Variants in SRGAP1 observed in about 807,000 individuals in gnomAD.
The protein encoded by SRGAP1 is SLIT-ROBO Rho GTPase activating protein 1.
SRGAP1 carries 43 observed loss-of-function variants against 121.9 expected under a neutral mutation model. The ratio of observed to expected loss-of-function variants is 0.35; its 90% confidence interval spans 0.28 to 0.46. The LOEUF (loss-of-function observed/expected upper bound fraction) is 0.46, where lower values mean the gene tolerates loss of function less well. Ranked by LOEUF, SRGAP1 falls within the 20% of genes least tolerant of loss-of-function variation. The pLI is 1.00. For missense variants in SRGAP1, 1,102 were observed against 1,350.9 expected, an observed-to-expected ratio of 0.82 and a Z score of 2.89; for synonymous variants, 447 against 485.4, an observed-to-expected ratio of 0.92 and a Z score of 1.04.
intron 1 of SRGAP1, among the ~76,000 whole-genome samples, chr12:63,893,912 C>T (rs1900666207): frequency 6.6e-6 from 1 of 152,232 alleles, no homozygotes; most frequent in Non-Finnish European, 1.5e-5. Context: ...AATCTTGGCT[C>T]ACTGCAACCT....
At chr12:63,992,615 T>C (rs1354378989) in intron 3 of SRGAP1, among the ~76,000 whole-genome samples, 1 of 150,312 alleles carries the variant, frequency 6.7e-6, no homozygotes, top group African/African-American at 2.5e-5. Context: ...GTTGGAGGAA[T>C]GAGTTGCTGG....
Position 63,977,465 on chromosome 12 carries a change from A to G in SRGAP1, c.68-6482A>G, listed in dbSNP as rs572009889. The stretch of plus-strand genomic sequence containing the variant: ...TTTTATGTCCTGGTCGTAGTCATTC[A>G]GTAATATATTAGAGAAACAGCCCAG... On this transcript the variant is annotated intron_variant, in intron 1 of 21. Coordinates refer to ENST00000355086, the MANE Select transcript of SRGAP1 (RefSeq NM_020762.4). 3.9e-5 allele frequency among the ~76,000 whole-genome samples: 6 copies of G among 152,332 alleles called. No homozygotes were observed. In the East Asian group the frequency reaches 7.7e-4, roughly 20 times the overall value.
At chr12:63,921,721 A>C (rs1481030002) in intron 1 of SRGAP1, among the ~76,000 whole-genome samples, 2 of 152,248 alleles carry the variant, frequency 1.3e-5, no homozygotes, top group Non-Finnish European at 2.9e-5. Context: ...CTGAGGCTGC[A>C]GTGATCTGTG....
chr12:63,996,567 A>G (rs148675658), intron 3 of SRGAP1, among the ~76,000 whole-genome samples: 1 of 152,244 alleles, frequency 6.6e-6, no homozygotes, highest in African/African-American at 2.4e-5. Flanking sequence ...CATGGTTGTC[A>G]TGTACAAACA....
chr12:63,855,489 T>G (rs1019636185), intron 1 of SRGAP1, among the ~76,000 whole-genome samples: 8 of 131,368 alleles, frequency 6.1e-5, no homozygotes, highest in Non-Finnish European at 1.1e-4. Context: ...TTTTTTTTTT[T>G]TTTTTTTTTT....
intron 10 of SRGAP1, chr12:64,082,001 C>CTTTTTTTTTTTTTTTTTTTTTTTTT: frequency 4.2e-4 from 28 of 66,126 alleles, no homozygotes; most frequent in African/African-American, 4.5e-4. Context: ...CATGTAAGGT[C>CTTTTTTTTTTTTTTTTTTTTTTTTT]TTTTTTTTTT....
intron 17 of SRGAP1, among the ~76,000 whole-genome samples, chr12:64,112,510 G>T (rs1401101167): frequency 6.6e-6 from 1 of 152,088 alleles, no homozygotes; most frequent in Non-Finnish European, 1.5e-5. Flanking sequence ...ATATTTTGGG[G>T]ATAAAATTTT....
intron 6 of SRGAP1, among the ~76,000 whole-genome samples, chr12:64,048,550 T>C (rs2035178252): frequency 6.6e-6 from 1 of 152,196 alleles, no homozygotes; most frequent in Non-Finnish European, 1.5e-5. Context: ...ATGATAACTC[T>C]ATTTTTAGTT....
chr12:63,907,629 C>G (rs2030278917), intron 1 of SRGAP1, among the ~76,000 whole-genome samples: 1 of 152,136 alleles, frequency 6.6e-6, no homozygotes, highest in African/African-American at 2.4e-5. Flanking sequence ...GATATAAACT[C>G]CTTGTCAGAT....
intron 1 of SRGAP1, among the ~76,000 whole-genome samples, chr12:63,878,534 G>A (rs1432665451): frequency 6.6e-6 from 1 of 152,182 alleles, no homozygotes; most frequent in Non-Finnish European, 1.5e-5. Context: ...GTTTGTGTGT[G>A]TGTAGAGTAT....
intron 21 of SRGAP1, among the ~76,000 whole-genome samples, chr12:64,139,114 AC>A (rs776020582): frequency 3.9e-5 from 6 of 152,220 alleles, no homozygotes; most frequent in Non-Finnish European, 8.8e-5. Flanking sequence ...AGGAAAATTC[AC>A]TACATGTAAA....
intron 1 of SRGAP1, among the ~76,000 whole-genome samples, chr12:63,913,737 G>A (rs748716292): frequency 5.9e-5 from 9 of 151,426 alleles, no homozygotes; most frequent in Non-Finnish European, 1.0e-4. Flanking sequence ...GTTACCCGTC[G>A]TCCATAAAAT....
intron 19 of SRGAP1, among the ~76,000 whole-genome samples, chr12:64,127,093 C>T (rs771866263): frequency 1.3e-5 from 2 of 152,146 alleles, no homozygotes; most frequent in African/African-American, 2.4e-5. Flanking sequence ...GCAATAGGCT[C>T]CACCATGTAG....
intron 1 of SRGAP1, among the ~76,000 whole-genome samples, chr12:63,942,742 C>T (rs1174275724): frequency 6.6e-6 from 1 of 152,202 alleles, no homozygotes; most frequent in Non-Finnish European, 1.5e-5. Context: ...CTATCCTACT[C>T]CTGCCTTCCA....
At chr12:64,101,228 A>G (rs1161863181) in intron 15 of SRGAP1, among the ~76,000 whole-genome samples, 1 of 151,472 alleles carries the variant, frequency 6.6e-6, no homozygotes, top group East Asian at 1.9e-4. Flanking sequence ...TTCCCTTTTC[A>G]TCTTTTCTAA....
At chr12:63,943,017 C>T (rs867276682) in intron 1 of SRGAP1, among the ~76,000 whole-genome samples, 1 of 152,182 alleles carries the variant, frequency 6.6e-6, no homozygotes, top group African/African-American at 2.4e-5. Flanking sequence ...ACAAATTAAT[C>T]CCAAGTTCGT....
At chr12:64,089,447 A>G (rs1239660584) in intron 11 of SRGAP1, among the ~76,000 whole-genome samples, 4 of 152,154 alleles carry the variant, frequency 2.6e-5, no homozygotes, top group Non-Finnish European at 4.4e-5. Context: ...TTAACAAACT[A>G]TCTTTTCAGT....
chr12:63,958,709 G>T (rs1037705593), intron 1 of SRGAP1, among the ~76,000 whole-genome samples: 18 of 152,156 alleles, frequency 1.2e-4, no homozygotes, highest in African/African-American at 4.3e-4. Flanking sequence ...CTTTCTGCAA[G>T]TGTTACTTTG....
At chr12:63,893,261 A>G (rs1218134508) in intron 1 of SRGAP1, among the ~76,000 whole-genome samples, 1 of 152,210 alleles carries the variant, frequency 6.6e-6, no homozygotes, top group Non-Finnish European at 1.5e-5. Flanking sequence ...GCTATAGTAA[A>G]TGAATAAAGA....
Sources: gnomAD v4.1 joint callset for allele counts (sites outside exome capture counted in the v4.1 genomes callset) on GRCh38, gnomAD v4.1.1 for gene constraint, MANE v1.5 for transcripts, NCBI Gene and HGNC (gene_info 2026-07-23, HGNC 2026-07-21) for gene names.